The following ROBO1 variants were observed in gnomAD, a reference collection of about 807,000 sequenced individuals.
The protein encoded by ROBO1 is roundabout homolog 1.
A neutral mutation model predicts 195.9 loss-of-function variants in ROBO1; 149 were observed. That is an observed-to-expected ratio of 0.76 (90% CI 0.67 to 0.87). The LOEUF is 0.87. Among genes scored for constraint, ROBO1 ranks in the 40% least tolerant of loss-of-function variants. The pLI, the probability that ROBO1 is intolerant of heterozygous loss-of-function variation, is 0.00. For synonymous variants in ROBO1, 816 were observed against 733.2 expected (o/e 1.11, Z -1.82); for missense variants, 1,933 against 2,068.3 (o/e 0.93, Z 1.27).
At chr3:79,503,413 G>A (rs917302770) in intron 2 of ROBO1, among the ~76,000 whole-genome samples, 2 of 152,210 alleles carry the variant, frequency 1.3e-5, no homozygotes, top group African/African-American at 4.8e-5. Flanking sequence ...GCTAGGGTCT[G>A]CGGCTTCATT....
At chr3:79,302,943 A>T (rs927607730) in intron 2 of ROBO1, among the ~76,000 whole-genome samples, 8 of 152,138 alleles carry the variant, frequency 5.3e-5, no homozygotes, top group African/African-American at 1.9e-4. Flanking sequence ...TGTCACCCGT[A>T]TTTACAAAGA....
chr3:78,906,105 T>C lies in ROBO1; in HGVS notation c.499+32496A>G, dbSNP rs147817284. On this transcript the variant is annotated intron_variant, in intron 4 of 30. Transcript: ENST00000464233. ...TATATTGCTATTGCTAACAACATTC[T>C]TATTTCAGAATCCTACGATTTTTCC... Among the ~76,000 whole-genome samples the C allele has an allele frequency of 1.3e-3, 201 of 152,302 alleles. 1 individual carries two copies. Among genetic ancestry groups the C allele is most frequent in the South Asian group, 6.6e-3 (32 of 4,828 alleles).
intron 1 of ROBO1, among the ~76,000 whole-genome samples, chr3:79,735,609 G>T (rs979061365): frequency 1.3e-5 from 2 of 152,164 alleles, no homozygotes; most frequent in Admixed American, 1.3e-4. Context: ...GGTGGCTCAC[G>T]CCTGTAATCC....
intron 2 of ROBO1, among the ~76,000 whole-genome samples, chr3:79,498,119 T>C (rs1205517764): frequency 6.6e-6 from 1 of 152,202 alleles, no homozygotes; most frequent in Admixed American, 6.5e-5. Context: ...GCTTTTACTA[T>C]CAACAAATAA....
intron 1 of ROBO1, among the ~76,000 whole-genome samples, chr3:79,726,917 G>A (rs1346891879): frequency 6.6e-6 from 1 of 152,182 alleles, no homozygotes; most frequent in African/African-American, 2.4e-5. Context: ...AGAGCACTTT[G>A]TGACACAGTG....
intron 2 of ROBO1, among the ~76,000 whole-genome samples, chr3:79,296,058 C>A (rs548941777): frequency 6.6e-6 from 1 of 152,000 alleles, no homozygotes; most frequent in Non-Finnish European, 1.5e-5. Flanking sequence ...TCCATATATG[C>A]AAATTTGAAA....
intron 3 of ROBO1, among the ~76,000 whole-genome samples, chr3:79,029,453 A>G (rs1201014640): frequency 6.6e-6 from 1 of 152,158 alleles, no homozygotes; most frequent in African/African-American, 2.4e-5. Context: ...ATTTTAACTT[A>G]TACTGGAATG....
intron 3 of ROBO1, among the ~76,000 whole-genome samples, chr3:79,016,566 C>T (rs1281404921): frequency 6.6e-6 from 1 of 152,188 alleles, no homozygotes; most frequent in Non-Finnish European, 1.5e-5. Context: ...TAGGACAGTA[C>T]TTCCCAAATA....
intron 28 of ROBO1, among the ~76,000 whole-genome samples, chr3:78,613,607 C>T (rs1703940417): frequency 6.6e-6 from 1 of 152,070 alleles, no homozygotes; most frequent in African/African-American, 2.4e-5. Flanking sequence ...AGAGAAAATA[C>T]TCAGAATAAA....
intron 2 of ROBO1, among the ~76,000 whole-genome samples, chr3:79,479,600 A>AT (rs146692790): frequency 0.011 from 1,631 of 152,260 alleles, 30 homozygotes; most frequent in African/African-American, 0.037. Context: ...TAGAACTTAA[A>AT]TATCTGTCAA....
intron 1 of ROBO1, among the ~76,000 whole-genome samples, chr3:79,668,512 A>G (rs1050895403): frequency 3.3e-5 from 5 of 151,742 alleles, no homozygotes; most frequent in Admixed American, 6.6e-5. Flanking sequence ...GTTATTAAGA[A>G]TTTTTATTTA....
At chr3:79,373,696 G>GT (rs2036283419) in intron 2 of ROBO1, among the ~76,000 whole-genome samples, 1 of 152,192 alleles carries the variant, frequency 6.6e-6, no homozygotes, top group South Asian at 2.1e-4. Flanking sequence ...CCTCTGAAGT[G>GT]AATTTATTGT....
intron 2 of ROBO1, among the ~76,000 whole-genome samples, chr3:79,174,265 A>C (rs1485099220): frequency 6.6e-6 from 1 of 152,060 alleles, no homozygotes; most frequent in Non-Finnish European, 1.5e-5. Flanking sequence ...TCCTGAAGCC[A>C]GCGAGCCCAC....
At chr3:79,640,609 C>T (rs908728043) in intron 1 of ROBO1, among the ~76,000 whole-genome samples, 1 of 152,062 alleles carries the variant, frequency 6.6e-6, no homozygotes, top group African/African-American at 2.4e-5. Flanking sequence ...TTTTATGTAC[C>T]TCATACACTT....
intron 2 of ROBO1, among the ~76,000 whole-genome samples, chr3:79,353,823 A>C (rs2035437961): frequency 6.6e-6 from 1 of 152,034 alleles, no homozygotes. Flanking sequence ...GGAGGGCAGA[A>C]TGCTTGAGGC....
chr3:78,817,771 A>G (rs893252311), intron 4 of ROBO1, among the ~76,000 whole-genome samples: 18 of 152,226 alleles, frequency 1.2e-4, no homozygotes, highest in Non-Finnish European at 2.2e-4. Flanking sequence ...AAAGTTGCCA[A>G]GAATTTCAAC....
chr3:79,586,976 G>A (rs1943849640), intron 2 of ROBO1, among the ~76,000 whole-genome samples: 1 of 151,818 alleles, frequency 6.6e-6, no homozygotes, highest in African/African-American at 2.4e-5. Flanking sequence ...AAAAAGAGGT[G>A]GGCTTTAATG....
At chr3:79,401,143 T>C (rs2037352974) in intron 2 of ROBO1, among the ~76,000 whole-genome samples, 1 of 151,812 alleles carries the variant, frequency 6.6e-6, no homozygotes, top group Non-Finnish European at 1.5e-5. Flanking sequence ...TTTAATTCAG[T>C]AAACCAGAGT....
chr3:79,729,260 G>A (rs1168394208), intron 1 of ROBO1, among the ~76,000 whole-genome samples: 3 of 152,138 alleles, frequency 2.0e-5, no homozygotes, highest in Non-Finnish European at 4.4e-5. Flanking sequence ...TAGATCCACT[G>A]TGTAATTCTC....
Sources: allele counts gnomAD v4.1 joint callset (sites outside exome capture counted in the v4.1 genomes callset), GRCh38; gene constraint gnomAD v4.1.1; transcripts MANE v1.5; gene names NCBI Gene and HGNC (gene_info 2026-07-23, HGNC 2026-07-21).